Variants in REDIC1 observed in about 807,000 individuals in gnomAD.
The protein encoded by REDIC1 is regulator of DNA class I crossover intermediates 1, also known as HEI10 Interacting Protein 1.
the REDIC1 span, among the ~76,000 whole-genome samples, chr12:39,906,365 T>C: frequency 1.3e-5 from 2 of 152,118 alleles, no homozygotes; most frequent in Non-Finnish European, 2.9e-5. Context: ...CTGCTGTTTA[T>C]GGGGATTGCC....
At chr12:39,635,026 A>G in the REDIC1 span, among the ~76,000 whole-genome samples, 4 of 152,072 alleles carry the variant, frequency 2.6e-5, no homozygotes, top group African/African-American at 9.7e-5. Context: ...AACAGACACA[A>G]CAGACATATG....
the REDIC1 span, among the ~76,000 whole-genome samples, chr12:39,643,361 C>T: frequency 6.6e-6 from 1 of 151,026 alleles, no homozygotes; most frequent in Non-Finnish European, 1.5e-5. Flanking sequence ...TTCTTCATTT[C>T]TGTTGACTTT....
At chr12:39,657,464 C>G in the REDIC1 span, among the ~76,000 whole-genome samples, 1 of 152,216 alleles carries the variant, frequency 6.6e-6, no homozygotes, top group Non-Finnish European at 1.5e-5. Flanking sequence ...ATTGTAATTT[C>G]TAACTTAAAT....
the REDIC1 span, among the ~76,000 whole-genome samples, chr12:39,738,224 C>T: frequency 6.6e-6 from 1 of 152,210 alleles, no homozygotes; most frequent in African/African-American, 2.4e-5. Flanking sequence ...CATATGGAGT[C>T]TGTTTTCCTG....
At chr12:39,723,578 T>G in the REDIC1 span, among the ~76,000 whole-genome samples, 12 of 152,254 alleles carry the variant, frequency 7.9e-5, no homozygotes, top group East Asian at 2.3e-3. Context: ...ATTCCATGTT[T>G]GTAATTTAAT....
At chr12:39,685,617 C>T in the REDIC1 span, among the ~76,000 whole-genome samples, 146 of 152,256 alleles carry the variant, frequency 9.6e-4, 2 homozygotes, top group African/African-American at 3.2e-3. Flanking sequence ...GACATAGATC[C>T]AAACCATATC....
At chr12:39,791,277 G>T in the REDIC1 span, among the ~76,000 whole-genome samples, 1 of 125,566 alleles carries the variant, frequency 8.0e-6, no homozygotes, top group Non-Finnish European at 1.7e-5. Context: ...ATACTGAATG[G>T]GCAAAAACTG....
the REDIC1 span, among the ~76,000 whole-genome samples, chr12:39,744,544 G>A: frequency 6.6e-6 from 1 of 152,180 alleles, no homozygotes; most frequent in African/African-American, 2.4e-5. Flanking sequence ...AGGGATGGAA[G>A]GGAGGAATTA....
At chr12:39,825,176 G>A in the REDIC1 span, among the ~76,000 whole-genome samples, 2 of 152,066 alleles carry the variant, frequency 1.3e-5, no homozygotes, top group Non-Finnish European at 2.9e-5. Context: ...CTGAATCAGC[G>A]CATTAAGAAA....
chr12:39,873,932 ATATT>A, the REDIC1 span, among the ~76,000 whole-genome samples: 1 of 152,172 alleles, frequency 6.6e-6, no homozygotes, highest in African/African-American at 2.4e-5. Context: ...TGTACACTGA[ATATT>A]TATTTATTAA....
chr12:39,896,540 G>T, the REDIC1 span, among the ~76,000 whole-genome samples: 1 of 142,046 alleles, frequency 7.0e-6, no homozygotes, highest in Non-Finnish European at 1.5e-5. Context: ...ATGTATGTAT[G>T]TATGTGTGTA....
the REDIC1 span, among the ~76,000 whole-genome samples, chr12:39,861,636 T>C: frequency 6.6e-6 from 1 of 152,256 alleles, no homozygotes; most frequent in South Asian, 2.1e-4. Flanking sequence ...TTTGAGAGTG[T>C]GGAACTGAAG....
chr12:39,850,770 A>G, the REDIC1 span, among the ~76,000 whole-genome samples: 1 of 152,334 alleles, frequency 6.6e-6, no homozygotes, highest in Non-Finnish European at 1.5e-5. Context: ...GAATAACTAT[A>G]TTCAATTTCA....
At chr12:39,854,689 C>A in the REDIC1 span, among the ~76,000 whole-genome samples, 1 of 152,184 alleles carries the variant, frequency 6.6e-6, no homozygotes, top group Non-Finnish European at 1.5e-5. Context: ...TTGCTTGATG[C>A]TGTTGACTGG....
the REDIC1 span, among the ~76,000 whole-genome samples, chr12:39,726,932 T>C: frequency 1.3e-5 from 2 of 152,252 alleles, no homozygotes; most frequent in Admixed American, 6.5e-5. Context: ...GAGCTTTTTT[T>C]CCTGTGTTTG....
At chr12:39,878,807 A>G in the REDIC1 span, among the ~76,000 whole-genome samples, 1 of 152,262 alleles carries the variant, frequency 6.6e-6, no homozygotes, top group South Asian at 2.1e-4. Context: ...AGAAATTTGC[A>G]TAACTAAAAG....
chr12:39,819,491 T>A, the REDIC1 span, among the ~76,000 whole-genome samples: 1 of 152,182 alleles, frequency 6.6e-6, no homozygotes, highest in Admixed American at 6.5e-5. Flanking sequence ...TTATTTGATG[T>A]TCCTAAAAGC....
chr12:39,755,563 T>C, the REDIC1 span: 1 of 152,118 alleles, frequency 6.6e-6, no homozygotes, highest in African/African-American at 2.4e-5. Flanking sequence ...TTGTCTCTTC[T>C]TTTTTAACCT....
chr12:39,845,950 C>T, the REDIC1 span, among the ~76,000 whole-genome samples: 1 of 152,060 alleles, frequency 6.6e-6, no homozygotes, highest in Admixed American at 6.6e-5. Flanking sequence ...AAATGGACTT[C>T]ATTTTCTCAT....
Sources: allele counts gnomAD v4.1 joint callset (sites outside exome capture counted in the v4.1 genomes callset), GRCh38; gene constraint gnomAD v4.1.1; transcripts MANE v1.5; gene names NCBI Gene and HGNC (gene_info 2026-07-23, HGNC 2026-07-21).